Variants in QTMAN observed in about 807,000 individuals in gnomAD.
QTMAN encodes queuosine-tRNA mannosyltransferase.
At chr2:144,308,944 T>G in the QTMAN span, among the ~76,000 whole-genome samples, 1 of 152,112 alleles carries the variant, frequency 6.6e-6, no homozygotes, top group South Asian at 2.1e-4. Context: ...CAATCCAACG[T>G]TTTTTAATGG....
chr2:144,039,212 T>C, the QTMAN span, among the ~76,000 whole-genome samples: 2 of 152,222 alleles, frequency 1.3e-5, no homozygotes, highest in Admixed American at 6.5e-5. Context: ...TGCAGAATTC[T>C]CAAAGACTTG....
the QTMAN span, among the ~76,000 whole-genome samples, chr2:144,079,798 G>A: frequency 6.6e-6 from 1 of 152,056 alleles, no homozygotes; most frequent in African/African-American, 2.4e-5. Context: ...CAAGATAATT[G>A]CATATTACAT....
At chr2:144,204,534 C>T in the QTMAN span, among the ~76,000 whole-genome samples, 1 of 152,180 alleles carries the variant, frequency 6.6e-6, no homozygotes. Flanking sequence ...AACACTTTTA[C>T]ACTGTTGTTG....
the QTMAN span, among the ~76,000 whole-genome samples, chr2:143,969,099 T>A: frequency 6.6e-6 from 1 of 152,218 alleles, no homozygotes; most frequent in Non-Finnish European, 1.5e-5. Context: ...AATGTCCTGT[T>A]CTGTTTAATG....
the QTMAN span, among the ~76,000 whole-genome samples, chr2:144,310,523 A>C: frequency 1.3e-5 from 2 of 152,228 alleles, no homozygotes; most frequent in East Asian, 1.9e-4. Context: ...GCTGGGTTTC[A>C]GGTTGTGAGA....
the QTMAN span, among the ~76,000 whole-genome samples, chr2:143,993,150 T>A: frequency 1.3e-5 from 2 of 152,204 alleles, no homozygotes; most frequent in Non-Finnish European, 2.9e-5. Context: ...AAATTTTTAT[T>A]TGATTAATAG....
chr2:144,212,771 C>T, the QTMAN span, among the ~76,000 whole-genome samples: 1 of 152,112 alleles, frequency 6.6e-6, no homozygotes, highest in Non-Finnish European at 1.5e-5. Context: ...ACAATTTATT[C>T]CCCAATGACA....
the QTMAN span, among the ~76,000 whole-genome samples, chr2:144,083,022 C>T: frequency 6.6e-6 from 1 of 152,054 alleles, no homozygotes; most frequent in Non-Finnish European, 1.5e-5. Flanking sequence ...TCTCACTCTC[C>T]CTCTCTAGAG....
the QTMAN span, among the ~76,000 whole-genome samples, chr2:144,004,741 C>T: frequency 6.6e-6 from 1 of 151,946 alleles, no homozygotes; most frequent in African/African-American, 2.4e-5. Context: ...GTCCATTCTG[C>T]AAGATAACAT....
the QTMAN span, among the ~76,000 whole-genome samples, chr2:144,021,911 T>A: frequency 3.3e-5 from 5 of 151,960 alleles, no homozygotes; most frequent in South Asian, 1.0e-3. Context: ...GCTAACACAA[T>A]CATTTCCAAA....
chr2:144,106,736 C>CA, the QTMAN span, among the ~76,000 whole-genome samples: 1 of 152,176 alleles, frequency 6.6e-6, no homozygotes, highest in Non-Finnish European at 1.5e-5. Flanking sequence ...CAATTGAACT[C>CA]AGCTCTGCAC....
the QTMAN span, among the ~76,000 whole-genome samples, chr2:144,058,603 T>A: frequency 6.6e-6 from 1 of 152,214 alleles, no homozygotes; most frequent in Non-Finnish European, 1.5e-5. Context: ...TTATACTGTA[T>A]CAAGTTTAAA....
At chr2:144,213,535 A>AG in the QTMAN span, among the ~76,000 whole-genome samples, 2 of 152,156 alleles carry the variant, frequency 1.3e-5, no homozygotes, top group South Asian at 4.1e-4. Flanking sequence ...AATAATTTTA[A>AG]ATCAGAGGAA....
the QTMAN span, among the ~76,000 whole-genome samples, chr2:144,287,480 A>G: frequency 6.6e-6 from 1 of 152,158 alleles, no homozygotes; most frequent in Non-Finnish European, 1.5e-5. Context: ...TTGTATGAAC[A>G]TAATATGTTC....
At chr2:144,302,628 T>C in the QTMAN span, among the ~76,000 whole-genome samples, 15 of 152,336 alleles carry the variant, frequency 9.8e-5, no homozygotes, top group East Asian at 2.7e-3. Context: ...AATAGGTATT[T>C]ACAGAACATC....
chr2:143,961,108 C>T, the QTMAN span, among the ~76,000 whole-genome samples: 1 of 152,132 alleles, frequency 6.6e-6, no homozygotes. Context: ...GTGTTCATTT[C>T]ATGGCAGCAT....
the QTMAN span, among the ~76,000 whole-genome samples, chr2:144,205,499 A>G: frequency 6.6e-6 from 1 of 152,140 alleles, no homozygotes; most frequent in East Asian, 1.9e-4. Context: ...GAATGGGATC[A>G]TCCTAACTAA....
the QTMAN span, among the ~76,000 whole-genome samples, chr2:144,016,045 T>C: frequency 7.3e-4 from 111 of 152,336 alleles, no homozygotes; most frequent in East Asian, 1.2e-3. Flanking sequence ...TTAAGCCACG[T>C]TGAGTAACAC....
chr2:144,296,877 T>G, the QTMAN span, among the ~76,000 whole-genome samples: 1 of 152,186 alleles, frequency 6.6e-6, no homozygotes, highest in East Asian at 1.9e-4. Flanking sequence ...AAGAAAAAGA[T>G]GAAGAGAAGT....
Sources: allele counts gnomAD v4.1 joint callset (sites outside exome capture counted in the v4.1 genomes callset), GRCh38; gene constraint gnomAD v4.1.1; transcripts MANE v1.5; gene names NCBI Gene and HGNC (gene_info 2026-07-23, HGNC 2026-07-21).